GAL3ST2: variants seen among roughly 807,000 people sequenced by gnomAD.
GAL3ST2 encodes the protein beta-galactose-3-O-sulfotransferase 2.
Under a neutral mutation model 12.9 loss-of-function variants are expected in GAL3ST2, and 16 were observed. The ratio of observed to expected loss-of-function variants is 1.24; its 90% CI spans 0.84 to 1.88. The LOEUF (loss-of-function observed/expected upper bound fraction) is 1.88. Ranked by LOEUF, GAL3ST2 falls within the 40% of genes most tolerant of loss-of-function variation. The pLI, the probability that GAL3ST2 is intolerant of heterozygous loss-of-function variation, is 0.00. For missense variants in GAL3ST2, 639 were observed against 571.8 expected, an observed-to-expected ratio of 1.12 and a Z score of -1.20; for synonymous variants, 302 against 273.9, an observed-to-expected ratio of 1.10 and a Z score of -1.01.
chr2:241,793,656 A>G lies in GAL3ST2; in HGVS notation c.30-5409A>G, dbSNP rs73011964. 0.19 allele frequency among the ~76,000 whole-genome samples: 28,203 copies of G among 148,518 alleles called. 2,894 individuals are homozygous for G. The highest frequency in any genetic ancestry group is 0.28 in the African/African-American group (10,933 of 39,408). On this transcript the variant is annotated intron_variant, in intron 1 of 3. Transcript: ENST00000192314. This position sits in a 1 kb window ranked among gnomAD's most constrained non-coding sequence, Gnocchi z 4.7. ...GTTTGTGTGTACATATTGTGTATGC[A>G]TATGTGTGTGTATGCACATATTGTG...
Position 241,802,075 on chromosome 2 carries a change from C to G in GAL3ST2, c.375+39C>G, listed in dbSNP as rs1012226158. 9 of 1,562,684 alleles carry G rather than the reference C, an allele frequency of 5.8e-6. No homozygotes were observed. The African/African-American group carries it at 6.8e-5, about 12-fold the overall frequency. ...GCTGGGGAGGAGGGCGGGCTGCAGCCGTGCCTGTGGCTGTGGGTCTGGGTG... is the reference window on the plus strand; with the variant it reads ...GCTGGGGAGGAGGGCGGGCTGCAGCGGTGCCTGTGGCTGTGGGTCTGGGTG... On this transcript the variant is annotated intron_variant, in intron 3 of 3. Coordinates refer to ENST00000192314, the MANE Select transcript of GAL3ST2 (RefSeq NM_022134.3). This position sits in a 1 kb window ranked among gnomAD's most constrained non-coding sequence, Gnocchi z 4.8.
Position 241,800,769 on chromosome 2 carries a change from C to T in GAL3ST2, c.120-1012C>T, listed in dbSNP as rs1047999087. Reference sequence around the variant, plus strand: ...GAGCTGCACCTGCTTTAACGTTGTTCGTCTCAAGGCCAGCGTTTGGGTGTC... The same window carrying T: ...GAGCTGCACCTGCTTTAACGTTGTTTGTCTCAAGGCCAGCGTTTGGGTGTC... On this transcript the variant is annotated intron_variant, in intron 2 of 3. Transcript: ENST00000192314. The surrounding 1 kb of genome is among the most constrained non-coding windows in gnomAD (Gnocchi z 5.2). The T allele has an allele frequency of 3.9e-5, 6 of 152,106 alleles. No homozygotes were observed. The highest frequency in any genetic ancestry group is 5.9e-5 in the Non-Finnish European group (4 of 68,020). The allele number at this position is 152,106 out of a possible 1,614,324, so 9.4% of individuals were successfully genotyped here.
rs113262425 is a variant in GAL3ST2 at position 241,796,896 on chromosome 2, CA to C, written c.30-2168del. ...CAGCTCACTGCTGTGGCCACAGCCC[CA>C]GGGGTGCCTTGAGGTCCCATGCAGG... On this transcript the variant is annotated intron_variant, in intron 1 of 3. Coordinates refer to ENST00000192314, the MANE Select transcript of GAL3ST2 (RefSeq NM_022134.3). Among the ~76,000 whole-genome samples, 468 of 152,268 alleles carry C rather than the reference CA, an allele frequency of 3.1e-3. 2 individuals carry two copies. Among genetic ancestry groups the C allele is most frequent in the African/African-American group, 0.011 (453 of 41,554 alleles).
Position 241,801,698 on chromosome 2 carries a change from G to C in GAL3ST2, c.120-83G>C, listed in dbSNP as rs1440636862. The stretch of plus-strand genomic sequence containing the variant: ...CTCAGGTTGGGAGGTCTCTCCTTGC[G>C]GTTGCCGGGCTGGGGGTCGCTGTTG... On this transcript the variant is annotated intron_variant, in intron 2 of 3. Coordinates refer to ENST00000192314, the MANE Select transcript of GAL3ST2 (RefSeq NM_022134.3). The surrounding 1 kb of genome is among the most constrained non-coding windows in gnomAD (Gnocchi z 4.4). 1.3e-6 allele frequency: 2 copies of C among 1,526,780 alleles called. No individual in the cohort carries two copies. Among genetic ancestry groups the C allele is most frequent in the Admixed American group, 1.9e-5 (1 of 53,882 alleles). 94.6% of individuals were successfully genotyped at this position (1,526,780 alleles called of 1,614,324 possible). A position where few individuals can be genotyped will look rare whatever the true frequency, so the allele number is the denominator to read the frequency against.
Position 241,803,789 on chromosome 2 carries a change from A to T in GAL3ST2, c.820A>T (p.Ser274Cys). The change falls in exon 4 of 4, where the codon AGC becomes TGC. Residue 274 changes from serine (S) to cysteine (C), a missense_variant. By Grantham distance (112) the Ser-to-Cys change is moderately radical. Transcript: ENST00000192314. ...LSPETRERAR[S>C]WCALDWRLYE... ...GCCCGAGACCCGGGAGCGCGCGCGG[A>T]GCTGGTGCGCGCTGGACTGGCGCCT... is the stretch of plus-strand genomic sequence containing the variant. 16 of 1,504,628 alleles carry T rather than the reference A, an allele frequency of 1.1e-5. No individual in the cohort carries two copies. The highest frequency in any genetic ancestry group is 1.4e-5 in the Non-Finnish European group (16 of 1,133,876). The allele number at this position is 1,504,628 out of a possible 1,614,324, so 93.2% of individuals were successfully genotyped here.
In GAL3ST2 at chr2:241,787,199, T is replaced by C. The variant is rs552727284; in HGVS notation, c.29+10215T>C. Among the ~76,000 whole-genome samples, 32 of 152,188 alleles carry C rather than the reference T, an allele frequency of 2.1e-4. 1 individual carries two copies. Among genetic ancestry groups the C allele is most frequent in the Non-Finnish European group, 1.5e-4 (10 of 68,040 alleles). Reference sequence around the variant, plus strand: ...ATTGATGTCTCATGTCGCCCTACAATGTATACATAAAAAAAAGCTAAGCTG... The same window carrying C: ...ATTGATGTCTCATGTCGCCCTACAACGTATACATAAAAAAAAGCTAAGCTG... On this transcript the variant is annotated intron_variant, in intron 1 of 3. Transcript: ENST00000192314.
At chr2:241,779,436 T>C (rs1402735369) in intron 1 of GAL3ST2, among the ~76,000 whole-genome samples, 5 of 150,758 alleles carry the variant, frequency 3.3e-5, no homozygotes. Flanking sequence ...GGTTTCACCG[T>C]GTTAGCCAGG....
At chr2:241,791,956 T>G (rs1371082500) in intron 1 of GAL3ST2, among the ~76,000 whole-genome samples, 1 of 152,056 alleles carries the variant, frequency 6.6e-6, no homozygotes, top group Non-Finnish European at 1.5e-5. Flanking sequence ...TGTTTGCAAT[T>G]TTTTTCATTT....
chr2:241,803,861 C>T lies in GAL3ST2; in HGVS notation c.892C>T (p.Leu298=), dbSNP rs1699894441. 3 of 1,438,182 alleles carry T rather than the reference C, an allele frequency of 2.1e-6. No homozygotes were observed. Among genetic ancestry groups the T allele is most frequent in the Admixed American group, 3.3e-5 (1 of 30,216 alleles). The allele number at this position is 1,438,182 out of a possible 1,614,324, so 89.1% of individuals were successfully genotyped here. The change falls in exon 4 of 4, where the codon CTG becomes TTG. Residue 298 remains leucine (L), a synonymous_variant. Transcript: ENST00000192314. ...RTLWAQLRAE[L]GPRRLRGEVE... ...CCTCTGGGCGCAGCTGCGCGCCGAG[C>T]TGGGGCCGCGGCGGCTGCGCGGGGA... is the stretch of plus-strand genomic sequence containing the variant.
At position 241,800,527 on chromosome 2, in the gene GAL3ST2, C is replaced by A. The variant is rs982508508; in HGVS notation, c.120-1254C>A. Among the ~76,000 whole-genome samples the A allele has an allele frequency of 6.6e-6, 1 of 152,226 alleles. No individual in the cohort carries two copies. Among genetic ancestry groups the A allele is most frequent in the Non-Finnish European group, 1.5e-5 (1 of 68,046 alleles). On this transcript the variant is annotated intron_variant, in intron 2 of 3. Transcript: ENST00000192314. This position sits in a 1 kb window ranked among gnomAD's most constrained non-coding sequence, Gnocchi z 5.2. ...ACCCACGTTCACCTTGGGGTGGAGA[C>A]TGCACATCTAACTGCGTTACAATCA...
chr2:241,777,020 G>A, intron 1 of GAL3ST2, 36 bp downstream of exon 1: 6 of 1,461,326 alleles, frequency 4.1e-6, no homozygotes, highest in Non-Finnish European at 5.5e-6. Flanking sequence ...GGTGGACAAA[G>A]CGCTTCATCT....
At chr2:241,781,809 T>C (rs955239636) in intron 1 of GAL3ST2, among the ~76,000 whole-genome samples, 1 of 152,234 alleles carries the variant, frequency 6.6e-6, no homozygotes, top group African/African-American at 2.4e-5. Context: ...ATTAATTAGG[T>C]CAGAAAAAGA....
At position 241,800,905 on chromosome 2, in the gene GAL3ST2, G is replaced by A. The variant is rs1271856089; in HGVS notation, c.120-876G>A. ...CCCGTTGATAATGTAGCGTCTTATGGCCACAGTCAGTTCTGCTGGGCCATG... is the reference window on the plus strand; with the variant it reads ...CCCGTTGATAATGTAGCGTCTTATGACCACAGTCAGTTCTGCTGGGCCATG... On this transcript the variant is annotated intron_variant, in intron 2 of 3. Coordinates refer to ENST00000192314, the MANE Select transcript of GAL3ST2 (RefSeq NM_022134.3). This position sits in a 1 kb window ranked among gnomAD's most constrained non-coding sequence, Gnocchi z 5.2. 1 of 152,144 alleles carries A rather than the reference G, an allele frequency of 6.6e-6. No homozygotes were observed. The highest frequency in any genetic ancestry group is 1.9e-4 in the East Asian group (1 of 5,198). 9.4% of individuals were successfully genotyped at this position (152,144 alleles called of 1,614,324 possible).
chr2:241,783,824 T>C (rs1004789473), intron 1 of GAL3ST2, among the ~76,000 whole-genome samples: 1 of 152,232 alleles, frequency 6.6e-6, no homozygotes, highest in South Asian at 2.1e-4. Flanking sequence ...GCCATCCTTG[T>C]TCATTCCTGG....
At position 241,802,058 on chromosome 2, in the gene GAL3ST2, G is replaced by C. The variant is rs1468110289; in HGVS notation, c.375+22G>C. On this transcript the variant is annotated intron_variant, in intron 3 of 3. Transcript: ENST00000192314. The surrounding 1 kb of genome is among the most constrained non-coding windows in gnomAD (Gnocchi z 4.8). ...TCAGGTACCGCGGGCCTGCTGGGGAGGAGGGCGGGCTGCAGCCGTGCCTGT... is the reference window on the plus strand; with the variant it reads ...TCAGGTACCGCGGGCCTGCTGGGGACGAGGGCGGGCTGCAGCCGTGCCTGT... 1 of 1,593,656 alleles carries C rather than the reference G, an allele frequency of 6.3e-7. No individual in the cohort carries two copies. The highest frequency in any genetic ancestry group is 8.5e-7 in the Non-Finnish European group (1 of 1,170,290).
In GAL3ST2 at chr2:241,793,724, G is replaced by A. The variant is rs566163368; in HGVS notation, c.30-5341G>A. On this transcript the variant is annotated intron_variant, in intron 1 of 3. Transcript: ENST00000192314. This position sits in a 1 kb window ranked among gnomAD's most constrained non-coding sequence, Gnocchi z 4.7. ...GTATGTACGTATTGTGTATGCATGTGTGTATGTGTGTATATGTATGTGTGT... is the reference window on the plus strand; with the variant it reads ...GTATGTACGTATTGTGTATGCATGTATGTATGTGTGTATATGTATGTGTGT... 2.0e-5 allele frequency among the ~76,000 whole-genome samples: 3 copies of A among 151,664 alleles called. No individual in the cohort carries two copies. The South Asian group carries it at 6.3e-4, about 32-fold the overall frequency.
intron 1 of GAL3ST2, among the ~76,000 whole-genome samples, chr2:241,783,033 G>A (rs1699584608): frequency 6.6e-6 from 1 of 151,856 alleles, no homozygotes; most frequent in African/African-American, 2.4e-5. Flanking sequence ...TAGCTACTTC[G>A]AGGCTGAGGC....
chr2:241,783,036 G>C (rs1001174617), intron 1 of GAL3ST2, among the ~76,000 whole-genome samples: 1 of 151,968 alleles, frequency 6.6e-6, no homozygotes, highest in African/African-American at 2.4e-5. Flanking sequence ...CTACTTCGAG[G>C]CTGAGGCAGA....
intron 1 of GAL3ST2, among the ~76,000 whole-genome samples, chr2:241,779,276 C>G (rs1699535597): frequency 8.4e-6 from 1 of 118,422 alleles, no homozygotes; most frequent in Admixed American, 1.2e-4. Flanking sequence ...CTCTCTCTCC[C>G]AGTCTGGAGT....
Sources: allele counts gnomAD v4.1 joint callset (sites outside exome capture counted in the v4.1 genomes callset), GRCh38; gene constraint gnomAD v4.1.1; non-coding constraint Gnocchi (gnomAD v3.1); transcripts MANE v1.5; gene names NCBI Gene and HGNC (gene_info 2026-07-23, HGNC 2026-07-21).